FAM120C: variants seen among roughly 807,000 people sequenced by gnomAD.
FAM120C encodes the protein constitutive coactivator of PPAR-gamma-like protein 2.
FAM120C carries 14 observed loss-of-function variants against 71.2 expected under a neutral mutation model. That is an observed-to-expected ratio of 0.20 (90% confidence interval 0.13 to 0.31). The LOEUF (loss-of-function observed/expected upper bound fraction) is 0.31. FAM120C is among the 10% of genes least tolerant of loss of function. The probability of loss-of-function intolerance (pLI) is 1.00; values close to 1 mark genes in which losing one functional copy is unlikely to be tolerated. For missense variants in FAM120C, 500 were observed against 879.0 expected (o/e 0.57, Z 5.45); for synonymous variants, 354 against 353.2 (o/e 1.00, Z -0.03).
At chrX:54,088,068 G>T in intron 11 of FAM120C, 104 bp from the exon 12 acceptor site, 1 of 681,848 alleles carries the variant, frequency 1.5e-6, no homozygotes, top group East Asian at 3.5e-5. Context: ...ATTTGAACAT[G>T]CTGTCATTCA....
intron 4 of FAM120C, among the ~76,000 whole-genome samples, chrX:54,145,537 A>C (rs1439985404): frequency 8.9e-6 from 1 of 112,546 alleles, no homozygotes; most frequent in Non-Finnish European, 1.9e-5. Flanking sequence ...ATTTATGCAG[A>C]CAAAAGACAC....
At chrX:54,083,433 C>CCACACACACACACACACACACACACA (rs781964795) in intron 13 of FAM120C, among the ~76,000 whole-genome samples, 7 of 78,928 alleles carry the variant, frequency 8.9e-5, no homozygotes, top group African/African-American at 2.9e-4. Context: ...GACCCCATCT[C>CCACACACACACACACACACACACACA]CACACACACA....
Position 54,157,785 on chromosome X carries a change from T to C in FAM120C, c.947-14A>G. 1 of 1,129,943 alleles carries C rather than the reference T, an allele frequency of 8.8e-7. No individual in the cohort carries two copies. 93.1% of individuals were successfully genotyped at this position (1,129,943 alleles called of 1,213,427 possible). ...GGATGTGGTTACCTATAAAGTACAT[T>C]TGTCATTCATTGACTGTACAAATGT... is the stretch of plus-strand genomic sequence containing the variant. On this transcript the variant is annotated splice_polypyrimidine_tract_variant and intron_variant, in intron 2 of 15. Transcript: ENST00000375180.
At chrX:54,078,886 C>A (rs1400509472) in intron 15 of FAM120C, among the ~76,000 whole-genome samples, 1 of 109,384 alleles carries the variant, frequency 9.1e-6, no homozygotes, top group Admixed American at 9.9e-5. Flanking sequence ...GTTTAAAGGC[C>A]GGGCGCAGTG....
chrX:54,086,754 C>CAAAA (rs60485302), intron 12 of FAM120C, among the ~76,000 whole-genome samples: 32 of 56,731 alleles, frequency 5.6e-4, no homozygotes, highest in African/African-American at 7.1e-4. Context: ...GAATCTGTCT[C>CAAAA]AAAAAAAAAA....
intron 1 of FAM120C, among the ~76,000 whole-genome samples, chrX:54,174,671 C>T (rs971695904): frequency 1.1e-4 from 12 of 112,137 alleles, no homozygotes; most frequent in Non-Finnish European, 2.1e-4. Flanking sequence ...CTAGATGATG[C>T]CTTAATATTC....
chrX:54,118,295 A>G (rs1217575520), intron 9 of FAM120C, among the ~76,000 whole-genome samples: 1 of 110,528 alleles, frequency 9.0e-6, no homozygotes, highest in African/African-American at 3.3e-5. Flanking sequence ...TGCTGCATGT[A>G]TCGATAGTAC....
chrX:54,161,426 C>G (rs1387791238), intron 1 of FAM120C, among the ~76,000 whole-genome samples: 1 of 111,724 alleles, frequency 9.0e-6, no homozygotes, highest in Non-Finnish European at 1.9e-5. Flanking sequence ...CAAAGACCCT[C>G]TCCACTACAA....
Position 54,166,904 on chromosome X carries a change from A to C in FAM120C, c.700-7288T>G, listed in dbSNP as rs140928001. Among the ~76,000 whole-genome samples the C allele has an allele frequency of 8.2e-3, 918 of 111,290 alleles. 5 individuals carry two copies. Among genetic ancestry groups the C allele is most frequent in the Non-Finnish European group, 0.013 (706 of 53,001 alleles). ...TATCTTTTGAATTTTTGTACCATGA[A>C]TTATAAGTTAATCAAAAGATAAAAT... On this transcript the variant is annotated intron_variant, in intron 1 of 15. Coordinates refer to ENST00000375180, the MANE Select transcript of FAM120C (RefSeq NM_017848.6).
intron 10 of FAM120C, among the ~76,000 whole-genome samples, chrX:54,101,994 A>C (rs892282179): frequency 9.1e-6 from 1 of 109,509 alleles, no homozygotes; most frequent in Non-Finnish European, 1.9e-5. Flanking sequence ...TCAGGTATTC[A>C]TTATCAGAAA....
At chrX:54,106,955 G>C (rs1396258643) in intron 10 of FAM120C, among the ~76,000 whole-genome samples, 1 of 111,891 alleles carries the variant, frequency 8.9e-6, no homozygotes, top group Non-Finnish European at 1.9e-5. Context: ...GTTGGTGGGA[G>C]TGTAAATTAG....
At chrX:54,156,732 C>T (rs2067211683) in intron 3 of FAM120C, among the ~76,000 whole-genome samples, 2 of 107,345 alleles carry the variant, frequency 1.9e-5, no homozygotes, top group Admixed American at 2.1e-4. Flanking sequence ...ATTAAAAATA[C>T]AAAAATTAGC....
Position 54,068,783 on chromosome X carries a change from A to G in FAM120C, c.*4250T>C, listed in dbSNP as rs951146156. The G allele has an allele frequency of 9.9e-5, 7 of 70,613 alleles. No individual in the cohort carries two copies. The highest frequency in any genetic ancestry group is 1.7e-4 in the Non-Finnish European group (6 of 34,384). The allele number at this position is 70,613 out of a possible 1,213,427, so 5.8% of individuals were successfully genotyped here. A position where few individuals can be genotyped will look rare whatever the true frequency, so the allele number is the denominator to read the frequency against. Reference sequence around the variant, plus strand: ...TATTCTAAAAACAGAATAGAACAGAATAGAACAGAATAGAATAGAATAGAA... The same window carrying G: ...TATTCTAAAAACAGAATAGAACAGAGTAGAACAGAATAGAATAGAATAGAA... On this transcript the variant is annotated 3_prime_UTR_variant, in exon 16 of 16. Coordinates refer to ENST00000375180, the MANE Select transcript of FAM120C (RefSeq NM_017848.6).
intron 10 of FAM120C, among the ~76,000 whole-genome samples, chrX:54,108,659 G>A (rs1286899841): frequency 3.6e-5 from 4 of 111,034 alleles, no homozygotes; most frequent in African/African-American, 9.8e-5. Flanking sequence ...GGCCAGGCGC[G>A]GTGGCTCACG....
intron 9 of FAM120C, among the ~76,000 whole-genome samples, chrX:54,117,532 CA>C (rs371728081): frequency 2.4e-3 from 201 of 84,105 alleles, no homozygotes; most frequent in Middle Eastern, 6.8e-3. Flanking sequence ...CTGTTTCTAC[CA>C]AAAAAAAAAA....
intron 4 of FAM120C, among the ~76,000 whole-genome samples, chrX:54,144,887 G>A (rs2067146752): frequency 9.0e-6 from 1 of 111,694 alleles, no homozygotes; most frequent in East Asian, 2.8e-4. Context: ...ATCAAAGCTG[G>A]AGGCATCACA....
At chrX:54,117,915 T>C (rs782259498) in intron 9 of FAM120C, among the ~76,000 whole-genome samples, 1 of 110,814 alleles carries the variant, frequency 9.0e-6, no homozygotes, top group South Asian at 3.8e-4. Context: ...CTCAAAAAAA[T>C]CAACATCTTT....
At chrX:54,081,232 T>G in intron 14 of FAM120C, 90 bp downstream of exon 14, 1 of 909,811 alleles carries the variant, frequency 1.1e-6, no homozygotes. Context: ...CTTGCCTTAA[T>G]AGAAGGATTT....
At chrX:54,149,193 T>C (rs1371050850) in intron 4 of FAM120C, among the ~76,000 whole-genome samples, 1 of 112,443 alleles carries the variant, frequency 8.9e-6, no homozygotes, top group Non-Finnish European at 1.9e-5. Flanking sequence ...CTAAATATTC[T>C]TTAACGGGTA....
Sources: allele counts gnomAD v4.1 joint callset (sites outside exome capture counted in the v4.1 genomes callset), GRCh38; gene constraint gnomAD v4.1.1; transcripts MANE v1.5; gene names NCBI Gene and HGNC (gene_info 2026-07-23, HGNC 2026-07-21).